NFIB: variants seen among roughly 807,000 people sequenced by gnomAD.
NFIB encodes nuclear factor I B.
NFIB carries 11 observed loss-of-function variants against 61.5 expected under a neutral mutation model. The ratio of observed to expected loss-of-function variants is 0.18; its 90% confidence interval spans 0.11 to 0.30. The LOEUF (loss-of-function observed/expected upper bound fraction) is 0.30, where lower values mean the gene tolerates loss of function less well. NFIB is among the 10% of genes least tolerant of loss of function. The pLI, the probability that NFIB is intolerant of heterozygous loss-of-function variation, is 1.00. For synonymous variants in NFIB, 260 were observed against 216.5 expected (o/e 1.20, Z -1.76); for missense variants, 471 against 608.9 (o/e 0.77, Z 2.38).
chr9:14,417,475 T>A, the NFIB span, among the ~76,000 whole-genome samples: 1 of 152,338 alleles, frequency 6.6e-6, no homozygotes, highest in African/African-American at 2.4e-5. Flanking sequence ...ATCAGTCTCC[T>A]GAGATTTTAA....
chr9:14,146,359 C>A (rs548727150), intron 6 of NFIB, among the ~76,000 whole-genome samples: 1 of 152,186 alleles, frequency 6.6e-6, no homozygotes, highest in South Asian at 2.1e-4. Context: ...GAGGAGCAGG[C>A]GGATCTAATT....
the NFIB span, among the ~76,000 whole-genome samples, chr9:14,407,739 TGTG>T: frequency 1.9e-4 from 29 of 152,214 alleles, no homozygotes; most frequent in African/African-American, 7.0e-4. Context: ...CAGGCTGGAG[TGTG>T]GTGGTACAAT....
chr9:14,522,199 T>G, the NFIB span, among the ~76,000 whole-genome samples: 1 of 152,228 alleles, frequency 6.6e-6, no homozygotes, highest in African/African-American at 2.4e-5. Flanking sequence ...GGTTTACATC[T>G]GTGCGAAGGT....
At chr9:14,139,975 T>C (rs1295573733) in intron 6 of NFIB, among the ~76,000 whole-genome samples, 1 of 152,186 alleles carries the variant, frequency 6.6e-6, no homozygotes, top group Non-Finnish European at 1.5e-5. Flanking sequence ...TTTTCCATAA[T>C]AAGAAGCTAA....
At chr9:14,482,340 T>C in the NFIB span, among the ~76,000 whole-genome samples, 1 of 152,132 alleles carries the variant, frequency 6.6e-6, no homozygotes, top group Admixed American at 6.6e-5. Context: ...CCCATTCTAA[T>C]GGCCCTGGGG....
chr9:14,128,419 C>T (rs1303654448), intron 6 of NFIB, among the ~76,000 whole-genome samples: 4 of 151,974 alleles, frequency 2.6e-5, no homozygotes, highest in South Asian at 2.1e-4. Context: ...TAATTTAGGC[C>T]GGGTGCAGTG....
At chr9:14,354,112 G>A (rs1218222250) in intron 1 of NFIB, among the ~76,000 whole-genome samples, 2 of 152,036 alleles carry the variant, frequency 1.3e-5, no homozygotes, top group Admixed American at 6.5e-5. Flanking sequence ...CTAATACACC[G>A]CACCCTATTT....
At chr9:14,371,086 C>G (rs1588383038) in intron 1 of NFIB, among the ~76,000 whole-genome samples, 1 of 152,116 alleles carries the variant, frequency 6.6e-6, no homozygotes, top group African/African-American at 2.4e-5. Context: ...TAGAGCGAGA[C>G]CCTGTCTCAA....
At chr9:14,451,071 T>G in the NFIB span, among the ~76,000 whole-genome samples, 1 of 152,238 alleles carries the variant, frequency 6.6e-6, no homozygotes, top group Non-Finnish European at 1.5e-5. Flanking sequence ...ATTACCTCGG[T>G]GAAGCCTGAA....
the NFIB span, among the ~76,000 whole-genome samples, chr9:14,410,562 A>G: frequency 2.0e-5 from 3 of 152,230 alleles, no homozygotes; most frequent in African/African-American, 7.2e-5. Flanking sequence ...ATGAAAAAGT[A>G]CTTTAAAATC....
intron 10 of NFIB, among the ~76,000 whole-genome samples, chr9:14,099,912 A>G (rs2035467160): frequency 1.3e-5 from 2 of 152,130 alleles, no homozygotes; most frequent in Non-Finnish European, 2.9e-5. Context: ...TGTGTGCTAA[A>G]AATACAAAAG....
intron 2 of NFIB, among the ~76,000 whole-genome samples, chr9:14,272,692 CAAAAAAA>C (rs61391471): frequency 2.5e-4 from 17 of 67,206 alleles, no homozygotes; most frequent in South Asian, 6.5e-4. Context: ...TCAATTCTCG[CAAAAAAA>C]AAAAAAAAAA....
the NFIB span, among the ~76,000 whole-genome samples, chr9:14,437,108 G>GTGTCTCTAT: frequency 6.6e-6 from 1 of 152,138 alleles, no homozygotes; most frequent in Non-Finnish European, 1.5e-5. Flanking sequence ...TGACCTCTCT[G>GTGTCTCTAT]TGTCTCTATT....
the NFIB span, among the ~76,000 whole-genome samples, chr9:14,405,768 A>C: frequency 6.6e-6 from 1 of 152,350 alleles, no homozygotes; most frequent in East Asian, 1.9e-4. Context: ...CCTTGCAGCT[A>C]AGAACAAATC....
intron 2 of NFIB, among the ~76,000 whole-genome samples, chr9:14,253,940 T>C (rs973416658): frequency 1.3e-5 from 2 of 152,188 alleles, no homozygotes; most frequent in African/African-American, 4.8e-5. Flanking sequence ...CTTTTGCTCA[T>C]GCTGTTCCCC....
the NFIB span, among the ~76,000 whole-genome samples, chr9:14,411,402 A>C: frequency 2.6e-5 from 4 of 152,156 alleles, no homozygotes; most frequent in Admixed American, 6.5e-5. Flanking sequence ...CTCCTCATGC[A>C]GGGGGGTGTG....
chr9:14,415,586 A>C, the NFIB span, among the ~76,000 whole-genome samples: 2 of 152,228 alleles, frequency 1.3e-5, no homozygotes, highest in East Asian at 1.9e-4. Context: ...TGAATTTTCC[A>C]ATTCATTTTC....
chr9:14,142,606 T>C (rs2041865713), intron 6 of NFIB, among the ~76,000 whole-genome samples: 1 of 151,934 alleles, frequency 6.6e-6, no homozygotes, highest in Admixed American at 6.6e-5. Flanking sequence ...TCAAAAAAAG[T>C]ACATCAACTA....
At chr9:14,278,244 G>A (rs2058136954) in intron 2 of NFIB, among the ~76,000 whole-genome samples, 2 of 152,206 alleles carry the variant, frequency 1.3e-5, no homozygotes, top group Admixed American at 1.3e-4. Context: ...ATTTTCTTCT[G>A]TTGGTAGGTA....
Sources: allele counts gnomAD v4.1 joint callset (sites outside exome capture counted in the v4.1 genomes callset), GRCh38; gene constraint gnomAD v4.1.1; transcripts MANE v1.5; gene names NCBI Gene and HGNC (gene_info 2026-07-23, HGNC 2026-07-21).